The following PCGF6 variants were observed in gnomAD, a reference collection of about 807,000 sequenced individuals.
The protein encoded by PCGF6 is polycomb group ring finger 6.
Under a neutral mutation model 45.5 loss-of-function variants are expected in PCGF6, and 24 were observed. The observed-to-expected ratio is 0.53, with a 90% confidence interval of 0.38 to 0.74. The LOEUF (loss-of-function observed/expected upper bound fraction) is 0.74, where lower values mean the gene tolerates loss of function less well. Among genes scored for constraint, PCGF6 ranks in the 30% least tolerant of loss-of-function variants. The probability of loss-of-function intolerance (pLI) is 0.00; values close to 1 mark genes in which losing one functional copy is unlikely to be tolerated. For missense variants in PCGF6, 356 were observed against 443.2 expected, an observed-to-expected ratio of 0.80 and a Z score of 1.77; for synonymous variants, 152 against 162.1, an observed-to-expected ratio of 0.94 and a Z score of 0.47.
At chr10:103,341,036 CCTGA>C (rs1019900685) in intron 6 of PCGF6, among the ~76,000 whole-genome samples, 9 of 151,948 alleles carry the variant, frequency 5.9e-5, no homozygotes, top group Admixed American at 1.3e-4. Flanking sequence ...TTGAGACCAG[CCTGA>C]CTGACATGGC....
intron 1 of PCGF6, among the ~76,000 whole-genome samples, chr10:103,350,224 G>A (rs1190904724): frequency 6.6e-6 from 1 of 150,546 alleles, no homozygotes; most frequent in Non-Finnish European, 1.5e-5. Flanking sequence ...TTGAACCCAG[G>A]AGTTCGAGAA....
chr10:103,345,083 T>C lies in PCGF6; in HGVS notation c.723A>G (p.Leu241=). ...CAGGTGGAATACGAAACACTGATTC[T>C]AGGACTTTTTTAGATCTTCCTTTGC... ...PSSKGRSKKV[L]ESVFRIPPEL... The change falls in exon 6 of 10, where the codon CTA becomes CTG. Residue 241 remains leucine, a synonymous_variant. Transcript: ENST00000369847. The C allele has an allele frequency of 6.2e-7, 1 of 1,613,528 alleles. No individual in the cohort carries two copies. The highest frequency in any genetic ancestry group is 2.2e-5 in the East Asian group (1 of 44,836).
At chr10:103,310,263 TAA>T (rs1215071367) in intron 9 of PCGF6, among the ~76,000 whole-genome samples, 9 of 139,074 alleles carry the variant, frequency 6.5e-5, no homozygotes, top group Admixed American at 2.9e-4. Flanking sequence ...AACCATGTCT[TAA>T]AAAAAAAAAA....
chr10:103,304,074 C>T, intron 9 of PCGF6, 113 bp from the exon 10 acceptor site: 1 of 772,752 alleles, frequency 1.3e-6, no homozygotes, highest in Non-Finnish European at 2.1e-6. Flanking sequence ...AGGTGAAATT[C>T]TTTAATTTAA....
At chr10:103,328,868 C>T (rs1274026003) in intron 7 of PCGF6, among the ~76,000 whole-genome samples, 1 of 151,762 alleles carries the variant, frequency 6.6e-6, no homozygotes, top group African/African-American at 2.4e-5. Flanking sequence ...TCTCTTGCCT[C>T]AGCCTCCCAA....
At chr10:103,328,573 A>C (rs770501089) in intron 7 of PCGF6, among the ~76,000 whole-genome samples, 1 of 152,194 alleles carries the variant, frequency 6.6e-6, no homozygotes, top group African/African-American at 2.4e-5. Context: ...CTCTATTTGT[A>C]AAATAGATAA....
chr10:103,312,232 A>G lies in PCGF6; in HGVS notation c.996+1954T>C, dbSNP rs562227339. Among the ~76,000 whole-genome samples, 445 of 152,028 alleles carry G rather than the reference A, an allele frequency of 2.9e-3. 7 individuals carry two copies. The highest frequency in any genetic ancestry group is 2.3e-3 in the Non-Finnish European group (157 of 67,962). ...CACAGTGAAACCCCGTCTCTATTAA[A>G]AATACAAAAAATTAGCCAGGCGTGG... is the stretch of plus-strand genomic sequence containing the variant. On this transcript the variant is annotated intron_variant, in intron 9 of 9. Transcript: ENST00000369847.
intron 6 of PCGF6, among the ~76,000 whole-genome samples, chr10:103,334,979 A>T (rs2093251569): frequency 6.6e-6 from 1 of 152,196 alleles, no homozygotes; most frequent in Non-Finnish European, 1.5e-5. Context: ...CTAACATCAA[A>T]GCCAATGTTC....
chr10:103,322,151 C>T (rs1051258625), intron 8 of PCGF6, among the ~76,000 whole-genome samples: 1 of 152,106 alleles, frequency 6.6e-6, no homozygotes, highest in Non-Finnish European at 1.5e-5. Context: ...CCACCTCGGC[C>T]TCTGAAAGTG....
intron 9 of PCGF6, among the ~76,000 whole-genome samples, chr10:103,309,607 T>C (rs979981460): frequency 6.6e-6 from 1 of 152,268 alleles, no homozygotes; most frequent in African/African-American, 2.4e-5. Flanking sequence ...TAATACAGTA[T>C]GTGAATTACA....
intron 1 of PCGF6, among the ~76,000 whole-genome samples, chr10:103,349,286 G>A (rs1049618154): frequency 5.9e-5 from 9 of 151,720 alleles, no homozygotes; most frequent in African/African-American, 2.2e-4. Flanking sequence ...GGCCTCAGGT[G>A]ATCCACCCGC....
intron 8 of PCGF6, among the ~76,000 whole-genome samples, chr10:103,315,377 T>C (rs963039802): frequency 1.8e-4 from 28 of 151,892 alleles, no homozygotes; most frequent in Non-Finnish European, 2.1e-4. Flanking sequence ...GTTCGTTTTT[T>C]GAGATGGAGT....
intron 6 of PCGF6, among the ~76,000 whole-genome samples, chr10:103,341,462 G>A (rs747639452): frequency 2.6e-5 from 4 of 151,822 alleles, no homozygotes; most frequent in South Asian, 2.1e-4. Flanking sequence ...TTTTCGAGAC[G>A]GAGTTTGGCC....
Position 103,326,603 on chromosome 10 carries a change from T to C in PCGF6, c.840A>G (p.Ser280=). 1.2e-6 allele frequency: 2 copies of C among 1,609,340 alleles called. No individual in the cohort carries two copies. The highest frequency in any genetic ancestry group is 1.3e-5 in the African/African-American group (1 of 74,774). The change falls in exon 8 of 10, where the codon TCA becomes TCG. Residue 280 remains serine, a synonymous_variant. Coordinates refer to ENST00000369847, the MANE Select transcript of PCGF6 (RefSeq NM_001011663.2). ...CTACATGTCCAATAGTTGCTTCTCCTGAAACTCGAACAAACTTCTTTTCCA... is the reference window on the plus strand; with the variant it reads ...CTACATGTCCAATAGTTGCTTCTCCCGAAACTCGAACAAACTTCTTTTCCA... The part of the protein sequence containing the change: ...KPLEKKFVRV[S]GEATIGHVEK...
chr10:103,340,308 G>C (rs982371463), intron 6 of PCGF6, among the ~76,000 whole-genome samples: 9 of 150,426 alleles, frequency 6.0e-5, no homozygotes, highest in Non-Finnish European at 1.0e-4. Context: ...CTTAAATCCA[G>C]ATCTCCTATT....
intron 8 of PCGF6, among the ~76,000 whole-genome samples, chr10:103,317,305 C>T (rs551039258): frequency 5.3e-5 from 8 of 152,080 alleles, no homozygotes; most frequent in South Asian, 2.1e-4. Context: ...GCCAAATCAC[C>T]GGGCCTATGT....
intron 6 of PCGF6, among the ~76,000 whole-genome samples, chr10:103,342,066 C>G (rs2093282779): frequency 6.6e-6 from 1 of 151,732 alleles, no homozygotes; most frequent in Non-Finnish European, 1.5e-5. Flanking sequence ...TCCCAAGTAG[C>G]TGGAATCACA....
intron 8 of PCGF6, among the ~76,000 whole-genome samples, chr10:103,319,605 A>G (rs923912156): frequency 3.3e-5 from 5 of 152,062 alleles, no homozygotes; most frequent in African/African-American, 9.7e-5. Context: ...GTTTACTTAT[A>G]TATCTTTCCT....
intron 8 of PCGF6, among the ~76,000 whole-genome samples, chr10:103,315,570 AGGAT>A (rs938008296): frequency 6.6e-6 from 1 of 152,154 alleles, no homozygotes; most frequent in Admixed American, 6.6e-5. Flanking sequence ...TGTGTTAGCC[AGGAT>A]GGTCTAGATC....
Sources: gnomAD v4.1 joint callset for allele counts (sites outside exome capture counted in the v4.1 genomes callset) on GRCh38, gnomAD v4.1.1 for gene constraint, MANE v1.5 for transcripts, NCBI Gene and HGNC (gene_info 2026-07-23, HGNC 2026-07-21) for gene names.